The following LAMA2 variants were observed in gnomAD, a reference collection of about 807,000 sequenced individuals.
LAMA2 encodes the protein laminin subunit alpha-2.
Under a neutral mutation model 364.8 loss-of-function variants are expected in LAMA2, and 269 were observed. The ratio of observed to expected loss-of-function variants is 0.74; its 90% CI spans 0.67 to 0.82. LAMA2 has a LOEUF of 0.82. Among genes scored for constraint, LAMA2 ranks in the 40% least tolerant of loss-of-function variants. The pLI, the probability that LAMA2 is intolerant of heterozygous loss-of-function variation, is 0.00. For missense variants in LAMA2, 3,807 were observed against 3,873.2 expected (o/e 0.98, Z 0.45); for synonymous variants, 1,379 against 1,370.6 (o/e 1.01, Z -0.14).
At chr6:129,261,549 A>G (rs1329937832) in intron 15 of LAMA2, among the ~76,000 whole-genome samples, 2 of 152,100 alleles carry the variant, frequency 1.3e-5, no homozygotes, top group East Asian at 1.9e-4. Flanking sequence ...TGTGAACACT[A>G]TTTCCTTGAC....
chr6:129,231,014 G>T (rs944171869), intron 12 of LAMA2, among the ~76,000 whole-genome samples: 1 of 152,050 alleles, frequency 6.6e-6, no homozygotes, highest in Non-Finnish European at 1.5e-5. Context: ...TACACATTTA[G>T]TGTGCTGTAC....
At chr6:129,304,121 A>G (rs1331381102) in intron 22 of LAMA2, among the ~76,000 whole-genome samples, 1 of 152,218 alleles carries the variant, frequency 6.6e-6, no homozygotes, top group Admixed American at 6.5e-5. Flanking sequence ...GGACATCACT[A>G]TAGATCCTAT....
At chr6:129,035,458 T>C (rs1193421478) in intron 1 of LAMA2, among the ~76,000 whole-genome samples, 1 of 151,876 alleles carries the variant, frequency 6.6e-6, no homozygotes, top group Non-Finnish European at 1.5e-5. Flanking sequence ...TCTGCAGTTG[T>C]CTGTTTATTT....
chr6:129,202,204 A>AG (rs1489726115), intron 12 of LAMA2, among the ~76,000 whole-genome samples: 4 of 151,120 alleles, frequency 2.6e-5, no homozygotes, highest in Non-Finnish European at 5.9e-5. Context: ...AAAAAAAAAA[A>AG]AAAAAGAAAA....
intron 1 of LAMA2, among the ~76,000 whole-genome samples, chr6:128,887,616 C>T (rs955230782): frequency 6.6e-6 from 1 of 152,062 alleles, no homozygotes; most frequent in Non-Finnish European, 1.5e-5. Flanking sequence ...CTCCTGTAAT[C>T]GCAGCACTTT....
intron 3 of LAMA2, among the ~76,000 whole-genome samples, chr6:129,076,493 A>T (rs201036739): frequency 2.3e-4 from 2 of 8,696 alleles, no homozygotes; most frequent in Non-Finnish European, 7.2e-4. Flanking sequence ...CTTATATATT[A>T]TATATAAATA....
chr6:129,255,940 C>T (rs1340377237), intron 14 of LAMA2, among the ~76,000 whole-genome samples: 1 of 152,160 alleles, frequency 6.6e-6, no homozygotes, highest in African/African-American at 2.4e-5. Flanking sequence ...CCCTACGTTT[C>T]CTTCCCATTA....
At chr6:129,341,628 A>G (rs935137111) in intron 29 of LAMA2, among the ~76,000 whole-genome samples, 2 of 152,162 alleles carry the variant, frequency 1.3e-5, no homozygotes, top group South Asian at 2.1e-4. Flanking sequence ...AGTGCATTCC[A>G]TGTAGCTCTT....
At position 129,129,939 on chromosome 6, in the gene LAMA2, A is replaced by T. The variant is rs910824128; in HGVS notation, c.640-13962A>T. Among the ~76,000 whole-genome samples the T allele has an allele frequency of 1.4e-3, 206 of 148,962 alleles. 5 individuals are homozygous for T. The highest frequency in any genetic ancestry group is 3.6e-3 in the Admixed American group (54 of 15,140). On this transcript the variant is annotated intron_variant, in intron 4 of 64. Coordinates refer to ENST00000421865, the MANE Select transcript of LAMA2 (RefSeq NM_000426.4). ...ATTCCGTCTCAAAAAAAAAAAAAAA[A>T]AAAATAACATATTTTAGAGACTCAG...
intron 4 of LAMA2, among the ~76,000 whole-genome samples, chr6:129,113,169 C>T (rs560963970): frequency 6.6e-6 from 1 of 152,152 alleles, no homozygotes; most frequent in African/African-American, 2.4e-5. Context: ...ACAATGTTTA[C>T]ATAATGGGAG....
At chr6:129,080,054 A>G (rs1334963085) in intron 3 of LAMA2, among the ~76,000 whole-genome samples, 1 of 152,164 alleles carries the variant, frequency 6.6e-6, no homozygotes, top group African/African-American at 2.4e-5. Context: ...CTGGAATTAC[A>G]ATAGACACAT....
At chr6:129,068,384 G>C (rs780697090) in intron 3 of LAMA2, among the ~76,000 whole-genome samples, 25 of 152,202 alleles carry the variant, frequency 1.6e-4, no homozygotes, top group Non-Finnish European at 3.4e-4. Context: ...AGTTCTGGAG[G>C]CTTGACGTCC....
intron 35 of LAMA2, among the ~76,000 whole-genome samples, chr6:129,387,006 A>G (rs1779053021): frequency 6.6e-6 from 1 of 151,970 alleles, no homozygotes; most frequent in African/African-American, 2.4e-5. Flanking sequence ...ATCTTCTGGG[A>G]CTATTTCAAT....
Position 129,473,245 on chromosome 6 carries a change from T to G in LAMA2, c.7332T>G (p.Asn2444Lys), listed in dbSNP as rs1295850461. ...TATCAATTGTAGATATAGATACTAA[T>G]CAGGAGGAGAATATAGCAACTTCGT... ...ANISIVDIDT[N>K]QEENIATSSS... Residue 2444 changes from asparagine to lysine, a missense_variant, in exon 52 of 65, where the codon AAT (asparagine) becomes AAG (lysine). Asn to Lys is a moderately conservative substitution (Grantham distance 94, BLOSUM62 0). Around this residue, in one of 3 missense-constraint regions of LAMA2, gnomAD observed 3,333 missense variants for 3,345.7 expected, o/e 1.00. Transcript: ENST00000421865. 2 of 1,603,562 alleles carry G rather than the reference T, an allele frequency of 1.2e-6. No homozygotes were observed. Among genetic ancestry groups the G allele is most frequent in the Non-Finnish European group, 1.7e-6 (2 of 1,171,136 alleles).
intron 18 of LAMA2, among the ~76,000 whole-genome samples, chr6:129,284,028 CTTCTT>C (rs1788922669): frequency 6.6e-6 from 1 of 152,122 alleles, no homozygotes; most frequent in South Asian, 2.1e-4. Flanking sequence ...AGTTTACCCT[CTTCTT>C]TTCCATGAAG....
intron 9 of LAMA2, among the ~76,000 whole-genome samples, chr6:129,170,826 A>T (rs1780095244): frequency 6.7e-6 from 1 of 149,034 alleles, no homozygotes; most frequent in African/African-American, 2.5e-5. Flanking sequence ...TTTGTAGGTC[A>T]CTCAGGACTT....
intron 14 of LAMA2, among the ~76,000 whole-genome samples, chr6:129,254,848 T>C (rs553134969): frequency 1.3e-5 from 2 of 152,138 alleles, no homozygotes; most frequent in Non-Finnish European, 2.9e-5. Flanking sequence ...AGAAAGGCTT[T>C]TATGAAGCAC....
chr6:129,103,867 A>G (rs1775668932), intron 4 of LAMA2, among the ~76,000 whole-genome samples: 1 of 152,168 alleles, frequency 6.6e-6, no homozygotes, highest in Admixed American at 6.5e-5. Flanking sequence ...CGTGGACAGC[A>G]GTATCTAAAT....
At chr6:129,242,364 T>C (rs557750463) in intron 12 of LAMA2, among the ~76,000 whole-genome samples, 3 of 152,184 alleles carry the variant, frequency 2.0e-5, no homozygotes, top group African/African-American at 7.2e-5. Flanking sequence ...CATTTTCTTT[T>C]TATTCATTTG....
Sources: gnomAD v4.1 joint callset for allele counts (sites outside exome capture counted in the v4.1 genomes callset) on GRCh38, gnomAD v4.1.1 for gene constraint, gnomAD v4.1.1 regional missense constraint, MANE v1.5 for transcripts, NCBI Gene and HGNC (gene_info 2026-07-23, HGNC 2026-07-21) for gene names.